Variants in CASK observed in about 807,000 individuals in gnomAD.
The protein encoded by CASK is peripheral plasma membrane protein CASK.
A neutral mutation model predicts 82.9 loss-of-function variants in CASK; 4 were observed. That is an observed-to-expected ratio of 0.05 (90% CI 0.02 to 0.11). CASK has a LOEUF of 0.11. CASK is among the 10% of genes least tolerant of loss of function. The pLI, the probability that CASK is intolerant of heterozygous loss-of-function variation, is 1.00. For missense variants in CASK, 358 were observed against 720.9 expected (o/e 0.50, Z 5.76); for synonymous variants, 259 against 253.5 (o/e 1.02, Z -0.20).
At chrX:41,901,292 A>C (rs1483345907) in intron 1 of CASK, among the ~76,000 whole-genome samples, 2 of 110,842 alleles carry the variant, frequency 1.8e-5, no homozygotes, top group Admixed American at 9.5e-5. Context: ...AACTTGAAGA[A>C]ACCTTGTCTC....
chrX:41,917,464 A>G (rs1237032688), intron 1 of CASK, among the ~76,000 whole-genome samples: 1 of 112,441 alleles, frequency 8.9e-6, no homozygotes, highest in Non-Finnish European at 1.9e-5. Context: ...ATTCAAGAAT[A>G]ATCTCAAGAA....
intron 2 of CASK, among the ~76,000 whole-genome samples, chrX:41,837,312 G>T (rs1367469773): frequency 9.0e-6 from 1 of 111,563 alleles, no homozygotes; most frequent in Non-Finnish European, 1.9e-5. Flanking sequence ...ACTTTATTTC[G>T]ATTTCAATAG....
At chrX:41,692,834 G>A (rs918501286) in intron 5 of CASK, among the ~76,000 whole-genome samples, 5 of 111,788 alleles carry the variant, frequency 4.5e-5, no homozygotes, top group East Asian at 2.8e-4. Context: ...TGGGTTTTTC[G>A]TTGCCACCAC....
At chrX:41,768,728 G>A (rs1423293888) in intron 3 of CASK, among the ~76,000 whole-genome samples, 1 of 111,647 alleles carries the variant, frequency 9.0e-6, no homozygotes, top group Admixed American at 9.6e-5. Context: ...TGCACTTTGG[G>A]AGGCCAAGGT....
At chrX:41,716,057 A>G (rs1433310821) in intron 5 of CASK, among the ~76,000 whole-genome samples, 1 of 112,143 alleles carries the variant, frequency 8.9e-6, no homozygotes, top group Non-Finnish European at 1.9e-5. Flanking sequence ...ATATTTGGAG[A>G]GCTGAACACC....
intron 5 of CASK, among the ~76,000 whole-genome samples, chrX:41,698,854 G>A (rs992927363): frequency 9.0e-6 from 1 of 111,561 alleles, no homozygotes; most frequent in African/African-American, 3.3e-5. Flanking sequence ...CAATGTGAAT[G>A]ACCATGAAGA....
intron 14 of CASK, chrX:41,585,783 T>G: frequency 9.2e-6 from 1 of 108,749 alleles, no homozygotes; most frequent in Non-Finnish European, 1.9e-5. Flanking sequence ...AAAGAAACAC[T>G]ATCATAAAAC....
chrX:41,756,151 C>CACAGGT (rs750783014), intron 3 of CASK, among the ~76,000 whole-genome samples: 17 of 111,980 alleles, frequency 1.5e-4, no homozygotes, highest in African/African-American at 5.2e-4. Context: ...CCTCCATGTC[C>CACAGGT]ACAGGTACTA....
At chrX:41,821,421 G>A (rs1026756824) in intron 2 of CASK, among the ~76,000 whole-genome samples, 27 of 112,066 alleles carry the variant, frequency 2.4e-4, no homozygotes, top group African/African-American at 8.1e-4. Flanking sequence ...GCAATACCAA[G>A]TATTGGCAAG....
chrX:41,834,327 G>A (rs1215002109), intron 2 of CASK, among the ~76,000 whole-genome samples: 1 of 111,717 alleles, frequency 9.0e-6, no homozygotes, highest in African/African-American at 3.3e-5. Context: ...TGTGAAAGGG[G>A]ATATAAGAAA....
chrX:41,789,433 T>TGCAAAGGAAGAGATCAGAG (rs1202443832), intron 2 of CASK, among the ~76,000 whole-genome samples: 2 of 111,702 alleles, frequency 1.8e-5, no homozygotes, highest in African/African-American at 3.3e-5. Context: ...CAGTGTTTAC[T>TGCAAAGGAAGAGATCAGAG]GCAAAGGAAG....
At chrX:41,669,842 T>C (rs1209748197) in intron 6 of CASK, among the ~76,000 whole-genome samples, 2 of 111,555 alleles carry the variant, frequency 1.8e-5, no homozygotes, top group Admixed American at 9.6e-5. Context: ...GCCCTGTACT[T>C]TGTGGATACT....
intron 12 of CASK, among the ~76,000 whole-genome samples, chrX:41,598,641 C>T (rs947392124): frequency 7.1e-5 from 8 of 112,006 alleles, no homozygotes; most frequent in African/African-American, 2.3e-4. Context: ...GGATTACAGG[C>T]GTGAGCCATG....
chrX:41,560,965 T>C (rs1016109478), intron 17 of CASK, among the ~76,000 whole-genome samples: 2 of 111,229 alleles, frequency 1.8e-5, no homozygotes, highest in Non-Finnish European at 3.8e-5. Flanking sequence ...ATAACCTGGG[T>C]GCTACTACAC....
chrX:41,811,460 A>C (rs1480592550), intron 2 of CASK, among the ~76,000 whole-genome samples: 38 of 112,865 alleles, frequency 3.4e-4, no homozygotes, highest in Non-Finnish European at 6.2e-4. Flanking sequence ...AACTACACGG[A>C]AACTGAACAA....
rs774644400 is a variant in CASK at position 41,528,954 on chromosome X, C to A, written c.2520+2053G>T. 3.6e-5 allele frequency among the ~76,000 whole-genome samples: 4 copies of A among 112,355 alleles called. No individual in the cohort carries two copies. In the South Asian group the frequency reaches 1.5e-3, roughly 42 times the overall value. ...GTGGTATGCAATGGTCATTGTGAGA[C>A]CAGGACTGGCATGAGGCTGGCCTGC... On this transcript the variant is annotated intron_variant, in intron 25 of 26. Transcript: ENST00000378163.
chrX:41,626,998 A>T (rs1335277150), intron 9 of CASK, among the ~76,000 whole-genome samples: 1 of 112,162 alleles, frequency 8.9e-6, no homozygotes, highest in African/African-American at 3.2e-5. Context: ...GATGTTGTAG[A>T]AGGGTGTTTA....
chrX:41,680,250 G>A (rs2067328741), intron 5 of CASK, among the ~76,000 whole-genome samples: 1 of 109,108 alleles, frequency 9.2e-6, no homozygotes, highest in African/African-American at 3.3e-5. Flanking sequence ...TTGGGAAGCC[G>A]AGGTGGGCGG....
chrX:41,568,696 C>T (rs1602276576), intron 16 of CASK, among the ~76,000 whole-genome samples: 1 of 111,956 alleles, frequency 8.9e-6, no homozygotes, highest in Non-Finnish European at 1.9e-5. Flanking sequence ...TGAAGATGCA[C>T]CTTCTTAAAA....
Sources: allele counts gnomAD v4.1 joint callset (sites outside exome capture counted in the v4.1 genomes callset), GRCh38; gene constraint gnomAD v4.1.1; transcripts MANE v1.5; gene names NCBI Gene and HGNC (gene_info 2026-07-23, HGNC 2026-07-21).